Variants in USP13 observed in about 807,000 individuals in gnomAD.
The protein encoded by USP13 is ubiquitin specific peptidase 13, also known as ubiquitin carboxyl-terminal hydrolase 13.
In USP13, 68 loss-of-function variants were observed where a neutral mutation model predicts 107.8. That is an observed-to-expected ratio of 0.63 (90% CI 0.52 to 0.77). The LOEUF is 0.77. Ranked by LOEUF, USP13 falls within the 30% of genes least tolerant of loss-of-function variation. USP13 has a pLI of 0.00. For synonymous variants in USP13, 377 were observed against 389.5 expected (o/e 0.97, Z 0.38); for missense variants, 945 against 1,093.3 (o/e 0.86, Z 1.91).
At chr3:179,750,326 G>GTGTGTATATATA (rs1553797370) in intron 13 of USP13, among the ~76,000 whole-genome samples, 84 of 75,850 alleles carry the variant, frequency 1.1e-3, no homozygotes, top group African/African-American at 2.9e-3. Context: ...ATATATGTGT[G>GTGTGTATATATA]TATATATATA....
At position 179,681,788 on chromosome 3, in the gene USP13, C is replaced by T; in HGVS notation, c.169-90C>T. 3 of 1,492,892 alleles carry T rather than the reference C, an allele frequency of 2.0e-6. No individual in the cohort carries two copies. The Admixed American group carries it at 6.2e-5, about 31-fold the overall frequency. 92.5% of individuals were successfully genotyped at this position (1,492,892 alleles called of 1,614,324 possible). A position where few individuals can be genotyped will look rare whatever the true frequency, so the allele number is the denominator to read the frequency against. On this transcript the variant is annotated intron_variant, in intron 1 of 20. Transcript: ENST00000263966. Reference sequence around the variant, plus strand: ...GTGGCCCTTTGCCAGGCCTCGTCTTCAGCGTTTGCCTTCCTTCCCTTTCCC... The same window carrying T: ...GTGGCCCTTTGCCAGGCCTCGTCTTTAGCGTTTGCCTTCCTTCCCTTTCCC...
chr3:179,728,587 G>A (rs1713662493), intron 8 of USP13, among the ~76,000 whole-genome samples: 1 of 151,614 alleles, frequency 6.6e-6, no homozygotes, highest in South Asian at 2.1e-4. Flanking sequence ...GGTGGCGGCC[G>A]GGCAGAGGCT....
intron 6 of USP13, among the ~76,000 whole-genome samples, chr3:179,712,487 C>T (rs995765849): frequency 6.6e-6 from 1 of 152,058 alleles, no homozygotes; most frequent in Admixed American, 6.5e-5. Context: ...CACATGTACA[C>T]ACGCACACCC....
At chr3:179,682,242 A>G (rs975425950) in intron 2 of USP13, among the ~76,000 whole-genome samples, 1 of 91,226 alleles carries the variant, frequency 1.1e-5, no homozygotes, top group Non-Finnish European at 2.7e-5. Flanking sequence ...TAGATTGACT[A>G]ATTGGAAAAA....
rs571921519 is a variant in USP13, at chr3:179,775,826, C to T, written c.2414-5913C>T. Among the ~76,000 whole-genome samples, 103 of 152,322 alleles carry T rather than the reference C, an allele frequency of 6.8e-4. 3 individuals are homozygous for T. In the South Asian group the frequency reaches 0.02, roughly 30 times the overall value. ...AGTGCTGGCTCGCGAGCATTGTGCG[C>T]AGCCCCGGTTCCTGCCTGCGCCTCT... On this transcript the variant is annotated intron_variant, in intron 19 of 20. Coordinates refer to ENST00000263966, the MANE Select transcript of USP13 (RefSeq NM_003940.3).
Position 179,678,231 on chromosome 3 carries a change from T to C in USP13, c.169-3647T>C, listed in dbSNP as rs1001893930. On this transcript the variant is annotated intron_variant, in intron 1 of 20. Coordinates refer to ENST00000263966, the MANE Select transcript of USP13 (RefSeq NM_003940.3). The surrounding 1 kb of genome is among the most constrained non-coding windows in gnomAD (Gnocchi z 4.2). ...ATGGAACTTTTTAAAAAAATCACAA[T>C]GGATTTAATGAATAATTGACTATTA... Among the ~76,000 whole-genome samples, 1 of 152,200 alleles carries C rather than the reference T, an allele frequency of 6.6e-6. No homozygotes were observed. The highest frequency in any genetic ancestry group is 2.1e-4 in the South Asian group (1 of 4,826).
chr3:179,745,103 C>T lies in USP13; in HGVS notation c.1595C>T (p.Pro532Leu). ...GCAGAAGCAAACAGAAGACCCCTTC[C>T]TGAGTTGGTACGTGCCAAGATACCA... ...REAEANRRPLPELVRAKIPFS... is the reference protein window; with the variant it reads ...REAEANRRPLLELVRAKIPFS... Residue 532 changes from proline to leucine, a missense_variant, in exon 13 of 21, where the codon CCT becomes CTT. Transcript: ENST00000263966. The T allele has an allele frequency of 3.1e-6, 5 of 1,614,158 alleles. No individual in the cohort carries two copies. The highest frequency in any genetic ancestry group is 1.1e-5 in the South Asian group (1 of 91,084).
At chr3:179,771,604 T>G (rs1449004503) in intron 19 of USP13, among the ~76,000 whole-genome samples, 1 of 152,172 alleles carries the variant, frequency 6.6e-6, no homozygotes, top group Non-Finnish European at 1.5e-5. Context: ...AGCTTAAACT[T>G]GAGAATTACC....
At chr3:179,730,494 G>A (rs769415988) in intron 9 of USP13, 122 bp from the exon 10 acceptor site, 26 of 899,926 alleles carry the variant, frequency 2.9e-5, no homozygotes, top group Non-Finnish European at 3.7e-5. Flanking sequence ...TTATTTGTGT[G>A]TAACGCAGAT....
chr3:179,671,680 G>T (rs1218984246), intron 1 of USP13, among the ~76,000 whole-genome samples: 2 of 152,166 alleles, frequency 1.3e-5, no homozygotes, highest in African/African-American at 2.4e-5. Flanking sequence ...TGGCAAATCT[G>T]TTCTTGGCCA....
intron 1 of USP13, among the ~76,000 whole-genome samples, chr3:179,658,317 C>T (rs1036491462): frequency 1.3e-5 from 2 of 152,170 alleles, no homozygotes; most frequent in African/African-American, 4.8e-5. Flanking sequence ...CTCTCTCAAC[C>T]TTCATCTTCT....
intron 2 of USP13, among the ~76,000 whole-genome samples, chr3:179,689,734 A>G (rs1364763183): frequency 6.6e-6 from 1 of 152,142 alleles, no homozygotes; most frequent in Non-Finnish European, 1.5e-5. Context: ...TGCTCCAAAA[A>G]TGTTTAGGGA....
intron 3 of USP13, among the ~76,000 whole-genome samples, chr3:179,698,504 T>C: frequency 6.6e-6 from 1 of 151,992 alleles, no homozygotes; most frequent in East Asian, 1.9e-4. Flanking sequence ...GTTTTTTTTT[T>C]TCTTGTATTA....
At chr3:179,734,331 T>C (rs759496717) in intron 10 of USP13, among the ~76,000 whole-genome samples, 1 of 152,240 alleles carries the variant, frequency 6.6e-6, no homozygotes, top group African/African-American at 2.4e-5. Context: ...TCAAAAAATA[T>C]TTTCTCTATC....
At chr3:179,783,995 A>T in intron 20 of USP13, 53 bp from the exon 21 acceptor site, 1 of 1,474,594 alleles carries the variant, frequency 6.8e-7, no homozygotes. Context: ...TTCTTTGTGT[A>T]AAGTTTCCTG....
At chr3:179,669,163 C>G (rs1181242000) in intron 1 of USP13, among the ~76,000 whole-genome samples, 1 of 152,158 alleles carries the variant, frequency 6.6e-6, no homozygotes, top group African/African-American at 2.4e-5. Flanking sequence ...TGCGCTCTAT[C>G]CTAAAATTAT....
chr3:179,743,598 G>T (rs1330724165), intron 12 of USP13, among the ~76,000 whole-genome samples: 1 of 152,112 alleles, frequency 6.6e-6, no homozygotes, highest in African/African-American at 2.4e-5. Context: ...AAGGGAATGG[G>T]AGTCTGCTGT....
At chr3:179,751,817 G>A (rs1201076979) in intron 13 of USP13, among the ~76,000 whole-genome samples, 1 of 152,066 alleles carries the variant, frequency 6.6e-6, no homozygotes, top group Non-Finnish European at 1.5e-5. Context: ...TTTGCCTCTG[G>A]GGTTCAAGTG....
At position 179,689,423 on chromosome 3, in the gene USP13, C is replaced by G. The variant is rs555582316; in HGVS notation, c.295-818C>G. Among the ~76,000 whole-genome samples the G allele has an allele frequency of 3.7e-4, 56 of 151,960 alleles. No individual in the cohort carries two copies. In the South Asian group the frequency reaches 0.011, roughly 30 times the overall value. On this transcript the variant is annotated intron_variant, in intron 2 of 20. Transcript: ENST00000263966. ...CCTGTAAGCCCAGCACTTTGGGAGGCCGAGGTGGGCAGATCACGAGGTCAG... is the reference window on the plus strand; with the variant it reads ...CCTGTAAGCCCAGCACTTTGGGAGGGCGAGGTGGGCAGATCACGAGGTCAG...
Sources: gnomAD v4.1 joint callset for allele counts (sites outside exome capture counted in the v4.1 genomes callset) on GRCh38, gnomAD v4.1.1 for gene constraint, Gnocchi (gnomAD v3.1) non-coding constraint, MANE v1.5 for transcripts, NCBI Gene and HGNC (gene_info 2026-07-23, HGNC 2026-07-21) for gene names.